Variants in LRP1B observed in about 807,000 individuals in gnomAD.
LRP1B encodes low-density lipoprotein receptor-related protein 1B.
LRP1B carries 217 observed loss-of-function variants against 556.6 expected under a neutral mutation model. The observed-to-expected ratio is 0.39, with a 90% CI of 0.35 to 0.44. The LOEUF is 0.44. Among genes scored for constraint, LRP1B ranks in the 20% least tolerant of loss-of-function variants. LRP1B has a pLI of 1.00. For synonymous variants in LRP1B, 2,047 were observed against 1,865.8 expected (o/e 1.10, Z -2.50); for missense variants, 5,053 against 5,620.8 (o/e 0.90, Z 3.23).
chr2:141,909,524 ACATTTTTTT>A (rs1699848501), intron 1 of LRP1B, among the ~76,000 whole-genome samples: 1 of 104,486 alleles, frequency 9.6e-6, no homozygotes. Context: ...AAGGTCTCAG[ACATTTTTTT>A]TTTTTTTTTT....
chr2:140,830,599 A>C (rs1315742047), intron 31 of LRP1B, among the ~76,000 whole-genome samples: 1 of 152,118 alleles, frequency 6.6e-6, no homozygotes, highest in Non-Finnish European at 1.5e-5. Flanking sequence ...GAAGAATCAG[A>C]CCTCAAAACA....
At chr2:140,378,880 A>G (rs1463632279) in intron 67 of LRP1B, among the ~76,000 whole-genome samples, 1 of 152,194 alleles carries the variant, frequency 6.6e-6, no homozygotes, top group Non-Finnish European at 1.5e-5. Context: ...TGTTTATGCC[A>G]TTGTTTATTG....
At chr2:140,792,407 G>A (rs745572708) in intron 32 of LRP1B, among the ~76,000 whole-genome samples, 11 of 151,824 alleles carry the variant, frequency 7.2e-5, no homozygotes, top group African/African-American at 9.7e-5. Context: ...TTTTATCTTC[G>A]GGTCATATGT....
intron 7 of LRP1B, among the ~76,000 whole-genome samples, chr2:141,069,632 C>T (rs536946031): frequency 2.6e-5 from 4 of 152,116 alleles, no homozygotes; most frequent in Middle Eastern, 3.4e-3. Flanking sequence ...TTCTGTCACC[C>T]GTGGCTACAC....
At chr2:140,908,146 A>G in intron 21 of LRP1B, 69 bp from the exon 22 acceptor site, 1 of 1,228,628 alleles carries the variant, frequency 8.1e-7, no homozygotes, top group Non-Finnish European at 1.2e-6. Context: ...AGTGGCCATT[A>G]TTGTCTTCAG....
intron 77 of LRP1B, among the ~76,000 whole-genome samples, 182 bp from the exon 78 acceptor site, chr2:140,336,020 A>C (rs1266921109): frequency 1.3e-5 from 2 of 152,140 alleles, no homozygotes; most frequent in South Asian, 2.1e-4. Flanking sequence ...ATCTGCATGA[A>C]TCTTAATTGT....
chr2:141,545,347 T>C (rs1685513247), intron 2 of LRP1B, among the ~76,000 whole-genome samples: 1 of 152,190 alleles, frequency 6.6e-6, no homozygotes, highest in Non-Finnish European at 1.5e-5. Context: ...GCTTGTCTAC[T>C]TCCTTACACA....
At chr2:141,860,145 G>A (rs1443489000) in intron 1 of LRP1B, among the ~76,000 whole-genome samples, 2 of 152,098 alleles carry the variant, frequency 1.3e-5, no homozygotes, top group South Asian at 2.1e-4. Context: ...AAGAGTTTTT[G>A]TGACAAATTC....
chr2:140,281,067 GAAGTA>G (rs890543796), intron 84 of LRP1B, among the ~76,000 whole-genome samples: 12 of 151,952 alleles, frequency 7.9e-5, no homozygotes, highest in Admixed American at 2.6e-4. Context: ...GTCTGCCACA[GAAGTA>G]AAGTAATTTT....
chr2:141,763,823 G>A (rs1694642095), intron 2 of LRP1B, among the ~76,000 whole-genome samples: 7 of 152,204 alleles, frequency 4.6e-5, no homozygotes, highest in Admixed American at 4.6e-4. Flanking sequence ...AAAACCATAG[G>A]AAGGAATATC....
At chr2:141,194,783 A>G (rs1681678609) in intron 6 of LRP1B, among the ~76,000 whole-genome samples, 1 of 152,088 alleles carries the variant, frequency 6.6e-6, no homozygotes, top group African/African-American at 2.4e-5. Context: ...CCAAGACTCC[A>G]AAATGGTGAG....
At chr2:141,375,796 A>C (rs1689406573) in intron 3 of LRP1B, among the ~76,000 whole-genome samples, 1 of 152,120 alleles carries the variant, frequency 6.6e-6, no homozygotes, top group South Asian at 2.1e-4. Context: ...CTCATATCTC[A>C]GTCTCACAGC....
In LRP1B at chr2:140,548,781, C is replaced by T. The variant is rs141336812; in HGVS notation, c.7195-6810G>A. On this transcript the variant is annotated intron_variant, in intron 43 of 90. Transcript: ENST00000389484. ...TCTACTAATAACACAAAAAATTAGC[C>T]GGGCATGGTTGTGCGTGCCTGTAAT... is the stretch of plus-strand genomic sequence containing the variant. 3.6e-3 allele frequency among the ~76,000 whole-genome samples: 543 copies of T among 151,800 alleles called. 4 individuals carry two copies. Among genetic ancestry groups the T allele is most frequent in the African/African-American group, 0.013 (528 of 41,400 alleles).
chr2:142,041,867 A>G (rs935869674), intron 1 of LRP1B, among the ~76,000 whole-genome samples: 10 of 151,544 alleles, frequency 6.6e-5, no homozygotes, highest in African/African-American at 2.4e-4. Context: ...CACAGTTTTT[A>G]AATTTAAAAT....
At chr2:141,048,512 G>T (rs1393978844) in intron 11 of LRP1B, among the ~76,000 whole-genome samples, 3 of 152,066 alleles carry the variant, frequency 2.0e-5, no homozygotes, top group African/African-American at 7.2e-5. Flanking sequence ...GGCAACTCTA[G>T]AAAACTTCAT....
chr2:140,889,866 G>T (rs1019602081), intron 23 of LRP1B, among the ~76,000 whole-genome samples: 2 of 152,058 alleles, frequency 1.3e-5, no homozygotes, highest in Non-Finnish European at 2.9e-5. Context: ...GACATATTTG[G>T]CTATAATAGA....
chr2:141,904,868 C>T (rs183901220), intron 1 of LRP1B, among the ~76,000 whole-genome samples: 7 of 151,920 alleles, frequency 4.6e-5, no homozygotes, highest in East Asian at 1.9e-4. Context: ...GTTTTAATTG[C>T]GGCTGACAAG....
chr2:142,103,455 T>G (rs942154612), intron 1 of LRP1B, among the ~76,000 whole-genome samples: 2 of 151,968 alleles, frequency 1.3e-5, no homozygotes, highest in Non-Finnish European at 2.9e-5. Context: ...ATTCTTATAA[T>G]CACTTTTTCC....
At chr2:140,774,800 A>G (rs2104947135) in intron 33 of LRP1B, among the ~76,000 whole-genome samples, 1 of 152,266 alleles carries the variant, frequency 6.6e-6, no homozygotes, top group South Asian at 2.1e-4. Context: ...ATACAGAAAA[A>G]GTTTCATTAC....
Sources: allele counts gnomAD v4.1 joint callset (sites outside exome capture counted in the v4.1 genomes callset), GRCh38; gene constraint gnomAD v4.1.1; transcripts MANE v1.5; gene names NCBI Gene and HGNC (gene_info 2026-07-23, HGNC 2026-07-21).